ANXA4: variants seen among roughly 807,000 people sequenced by gnomAD.
The protein encoded by ANXA4 is annexin A4, also known as 35-beta calcimedin.
ANXA4 carries 39 observed loss-of-function variants against 49.8 expected under a neutral mutation model. The observed-to-expected ratio is 0.78, with a 90% CI of 0.61 to 1.02. The LOEUF is 1.02. ANXA4 is among the 50% of genes least tolerant of loss of function. The probability of loss-of-function intolerance (pLI) is 0.00; values close to 1 mark genes in which losing one functional copy is unlikely to be tolerated. For synonymous variants in ANXA4, 134 were observed against 152.5 expected (o/e 0.88, Z 0.89); for missense variants, 360 against 410.1 (o/e 0.88, Z 1.05).
intron 1 of ANXA4, among the ~76,000 whole-genome samples, chr2:69,756,309 G>A (rs1376034018): frequency 1.3e-5 from 2 of 152,182 alleles, no homozygotes; most frequent in African/African-American, 4.8e-5. Flanking sequence ...AAAGGGTGGT[G>A]GCTGAGTTTA....
chr2:69,710,921 C>A (rs1678658093), intron 2 of ANXA4, among the ~76,000 whole-genome samples: 2 of 152,312 alleles, frequency 1.3e-5, no homozygotes, highest in Admixed American at 6.5e-5. Flanking sequence ...ACTACACTTA[C>A]TATACAACCC....
At chr2:69,675,868 A>G (rs1677392941) in intron 2 of ANXA4, among the ~76,000 whole-genome samples, 1 of 151,974 alleles carries the variant, frequency 6.6e-6, no homozygotes, top group Non-Finnish European at 1.5e-5. Context: ...CTAAAAATAC[A>G]AAAAATTAGC....
chr2:69,683,559 G>C (rs763250045), intron 2 of ANXA4, among the ~76,000 whole-genome samples: 1 of 152,122 alleles, frequency 6.6e-6, no homozygotes, highest in Non-Finnish European at 1.5e-5. Context: ...AACCAAAGAG[G>C]AACGATATGC....
intron 1 of ANXA4, among the ~76,000 whole-genome samples, chr2:69,773,691 G>T (rs1288407714): frequency 7.2e-6 from 1 of 139,788 alleles, no homozygotes; most frequent in East Asian, 2.3e-4. Context: ...GAGTGCAGTG[G>T]CGTGATCTCA....
chr2:69,821,244 G>A (rs780496761), intron 12 of ANXA4, among the ~76,000 whole-genome samples: 7 of 152,098 alleles, frequency 4.6e-5, no homozygotes, highest in Non-Finnish European at 8.8e-5. Flanking sequence ...AGTCCTAAGA[G>A]GGCATGGTAG....
chr2:69,808,203 T>C (rs569839343), intron 6 of ANXA4: 1 of 554,648 alleles, frequency 1.8e-6, no homozygotes, highest in East Asian at 3.1e-5. Context: ...AAGATGACAC[T>C]CTATTTTGCC....
chr2:69,714,581 G>A (rs1480167508), intron 2 of ANXA4, among the ~76,000 whole-genome samples: 6 of 152,178 alleles, frequency 3.9e-5, no homozygotes, highest in Admixed American at 1.3e-4. Context: ...GATCCTGGCC[G>A]AGCTCCCATT....
At chr2:69,781,318 A>C in intron 1 of ANXA4, 1 of 591,754 alleles carries the variant, frequency 1.7e-6, no homozygotes, top group Non-Finnish European at 3.0e-6. Context: ...ATATTTTACC[A>C]GTGTGATAAA....
chr2:69,780,277 C>T (rs1055019158), intron 1 of ANXA4, among the ~76,000 whole-genome samples: 1 of 152,176 alleles, frequency 6.6e-6, no homozygotes, highest in Admixed American at 6.5e-5. Context: ...TCGCTGCAAC[C>T]TCCACCTCCC....
At chr2:69,671,882 C>G (rs1189267162) in intron 2 of ANXA4, among the ~76,000 whole-genome samples, 1 of 152,104 alleles carries the variant, frequency 6.6e-6, no homozygotes, top group Non-Finnish European at 1.5e-5. Context: ...AGATGTGGAG[C>G]AACTAGAACT....
intron 2 of ANXA4, among the ~76,000 whole-genome samples, chr2:69,669,006 G>A (rs569261606): frequency 6.8e-4 from 101 of 149,604 alleles, no homozygotes; most frequent in African/African-American, 2.3e-3. Flanking sequence ...GTGCGATCTC[G>A]CCTCACTGCA....
rs192192266 is a variant in ANXA4, at chr2:69,826,428, G to A, written c.*913G>A. ...TCAACTCCAGAAACATTCTGAAGATGTACTTGGATTTAATTAAAAAGTTCA... is the reference window on the plus strand; with the variant it reads ...TCAACTCCAGAAACATTCTGAAGATATACTTGGATTTAATTAAAAAGTTCA... On this transcript the variant is annotated 3_prime_UTR_variant, in exon 13 of 13. Coordinates refer to ENST00000394295, the MANE Select transcript of ANXA4 (RefSeq NM_001153.5). The A allele has an allele frequency of 6.5e-6, 1 of 152,700 alleles. No individual in the cohort carries two copies. Among genetic ancestry groups the A allele is most frequent in the Admixed American group, 6.5e-5 (1 of 15,300 alleles). 9.5% of individuals were successfully genotyped at this position (152,700 alleles called of 1,614,324 possible). A position where few individuals can be genotyped will look rare whatever the true frequency, so the allele number is the denominator to read the frequency against.
intron 2 of ANXA4, among the ~76,000 whole-genome samples, chr2:69,719,141 TA>T (rs1258686078): frequency 1.3e-5 from 2 of 151,914 alleles, no homozygotes; most frequent in African/African-American, 4.8e-5. Context: ...CACGCCCAGC[TA>T]ATTTTTTGTA....
At chr2:69,670,352 A>G (rs555677944) in intron 2 of ANXA4, among the ~76,000 whole-genome samples, 1 of 148,922 alleles carries the variant, frequency 6.7e-6, no homozygotes, top group East Asian at 2.1e-4. Flanking sequence ...AGGCAGGAGA[A>G]TTGCTTGAAC....
chr2:69,758,865 G>T, intron 1 of ANXA4, among the ~76,000 whole-genome samples: 1 of 152,122 alleles, frequency 6.6e-6, no homozygotes, highest in Non-Finnish European at 1.5e-5. Context: ...AGGCACAGTG[G>T]CTCATGCCTG....
intron 3 of ANXA4, among the ~76,000 whole-genome samples, chr2:69,793,250 C>CAAAAAAAAAAAAAAAAAAAAAAAAAA (rs70954360): frequency 7.8e-6 from 1 of 128,578 alleles, no homozygotes; most frequent in Non-Finnish European, 1.6e-5. Flanking sequence ...GACTCCATCT[C>CAAAAAAAAAAAAAAAAAAAAAAAAAA]AAAAAAAAAA....
At chr2:69,782,104 G>T (rs1037591823) in intron 2 of ANXA4, among the ~76,000 whole-genome samples, 1 of 152,186 alleles carries the variant, frequency 6.6e-6, no homozygotes, top group East Asian at 1.9e-4. Flanking sequence ...GTAAAGTTCA[G>T]CTCTGAGGTG....
At chr2:69,816,674 A>G (rs1173259676) in intron 9 of ANXA4, 1 of 152,526 alleles carries the variant, frequency 6.6e-6, no homozygotes, top group Non-Finnish European at 1.5e-5. Context: ...TATGTTTCTA[A>G]TTTGTTTCTG....
intron 12 of ANXA4, among the ~76,000 whole-genome samples, chr2:69,822,578 T>C (rs1674287566): frequency 1.3e-5 from 2 of 152,112 alleles, no homozygotes; most frequent in Non-Finnish European, 2.9e-5. Context: ...TGATATTCAA[T>C]GGTACGCTGT....
Sources: gnomAD v4.1 joint callset for allele counts (sites outside exome capture counted in the v4.1 genomes callset) on GRCh38, gnomAD v4.1.1 for gene constraint, MANE v1.5 for transcripts, NCBI Gene and HGNC (gene_info 2026-07-23, HGNC 2026-07-21) for gene names.